The following DNAH11 variants were observed in gnomAD, a reference collection of about 807,000 sequenced individuals.
DNAH11 encodes the protein axonemal beta dynein heavy chain 11.
In DNAH11, 442 loss-of-function variants were observed where a neutral mutation model predicts 526.0. The observed-to-expected ratio is 0.84, with a 90% CI of 0.78 to 0.91. The LOEUF is 0.91. Among genes scored for constraint, DNAH11 ranks in the 40% least tolerant of loss-of-function variants. DNAH11 has a pLI of 0.00. For synonymous variants in DNAH11, 2,461 were observed against 1,935.9 expected (o/e 1.27, Z -7.12); for missense variants, 6,989 against 5,448.7 (o/e 1.28, Z -8.90).
At chr7:21,653,830 C>CA (rs1238681754) in intron 28 of DNAH11, among the ~76,000 whole-genome samples, 1 of 152,106 alleles carries the variant, frequency 6.6e-6, no homozygotes, top group Admixed American at 6.6e-5. Flanking sequence ...GCATGTACAG[C>CA]AAAAATGAAA....
intron 45 of DNAH11, among the ~76,000 whole-genome samples, chr7:21,728,284 G>T (rs1785223763): frequency 3.1e-5 from 3 of 96,102 alleles, no homozygotes; most frequent in African/African-American, 4.3e-5. Flanking sequence ...TTGAGACAGA[G>T]TCTTACTCTG....
chr7:21,600,170 C>G, intron 15 of DNAH11, 51 bp downstream of exon 15: 1 of 1,438,812 alleles, frequency 7.0e-7, no homozygotes, highest in Non-Finnish European at 9.3e-7. Context: ...GATTCAAAAA[C>G]AAATTGTGGC....
At chr7:21,759,759 T>C (rs1786813971) in intron 54 of DNAH11, among the ~76,000 whole-genome samples, 1 of 152,176 alleles carries the variant, frequency 6.6e-6, no homozygotes, top group South Asian at 2.1e-4. Context: ...CTGTTAGTAA[T>C]ATACAAATAA....
chr7:21,652,256 A>G (rs1454630459), intron 28 of DNAH11, among the ~76,000 whole-genome samples: 1 of 152,340 alleles, frequency 6.6e-6, no homozygotes, highest in East Asian at 1.9e-4. Context: ...TGATGCCAGG[A>G]AAAACAAACA....
At chr7:21,799,076 T>G (rs1788844981) in intron 61 of DNAH11, among the ~76,000 whole-genome samples, 1 of 152,170 alleles carries the variant, frequency 6.6e-6, no homozygotes, top group South Asian at 2.1e-4. Context: ...CTAGATATTA[T>G]TCTATAAATC....
At chr7:21,652,955 C>T (rs1469582895) in intron 28 of DNAH11, among the ~76,000 whole-genome samples, 2 of 152,122 alleles carry the variant, frequency 1.3e-5, no homozygotes, top group Admixed American at 1.3e-4. Flanking sequence ...CGGCTCACTG[C>T]AACCTCTGCC....
intron 65 of DNAH11, among the ~76,000 whole-genome samples, chr7:21,842,196 CAGTTTGCA>C (rs1782228192): frequency 6.6e-6 from 1 of 152,132 alleles, no homozygotes; most frequent in South Asian, 2.1e-4. Flanking sequence ...CTTAAAGTCA[CAGTTTGCA>C]AGTTTATCGA....
intron 14 of DNAH11, among the ~76,000 whole-genome samples, chr7:21,594,865 C>A (rs1296271996): frequency 6.6e-6 from 1 of 152,036 alleles, no homozygotes; most frequent in Non-Finnish European, 1.5e-5. Flanking sequence ...GGCTTTGGCT[C>A]ACTCTGAGGT....
At chr7:21,719,454 G>A (rs576288720) in intron 43 of DNAH11, among the ~76,000 whole-genome samples, 74 of 152,256 alleles carry the variant, frequency 4.9e-4, no homozygotes, top group African/African-American at 7.7e-4. Flanking sequence ...ACACATGGCC[G>A]TATTCGTGTG....
intron 77 of DNAH11, among the ~76,000 whole-genome samples, chr7:21,893,418 C>A (rs922086006): frequency 5.9e-5 from 9 of 152,224 alleles, no homozygotes; most frequent in African/African-American, 2.2e-4. Context: ...CATCTTTTCA[C>A]ATGCTTATGG....
chr7:21,600,235 G>A, intron 15 of DNAH11, 116 bp downstream of exon 15: 2 of 878,936 alleles, frequency 2.3e-6, no homozygotes, highest in Non-Finnish European at 1.6e-6. Flanking sequence ...TGAGGCAAGA[G>A]GATTGCTTGG....
intron 54 of DNAH11, among the ~76,000 whole-genome samples, chr7:21,758,275 A>G (rs1554277914): frequency 6.6e-6 from 1 of 152,372 alleles, no homozygotes. Context: ...CTTTAGAGAA[A>G]GACAAAAGGT....
chr7:21,684,033 C>T (rs764066235), intron 32 of DNAH11, 89 bp downstream of exon 32: 48 of 1,339,232 alleles, frequency 3.6e-5, no homozygotes, highest in African/African-American at 7.3e-5. Flanking sequence ...TGAGAGGAAA[C>T]GATGAACAAT....
intron 71 of DNAH11, 91 bp from the exon 72 acceptor site, chr7:21,867,768 C>T (rs988352466): frequency 2.3e-5 from 28 of 1,203,542 alleles, no homozygotes; most frequent in Admixed American, 1.9e-4. Flanking sequence ...TTACTTCTAT[C>T]GTGTGCCTGT....
At chr7:21,742,849 G>T (rs775721616) in intron 49 of DNAH11, among the ~76,000 whole-genome samples, 1 of 152,192 alleles carries the variant, frequency 6.6e-6, no homozygotes, top group East Asian at 1.9e-4. Flanking sequence ...CCGAGATTGG[G>T]TAATTCATAA....
rs911956193 is a variant in DNAH11, at chr7:21,873,091, C to CTTTT, written c.11968-173_11968-170dup. 3.4e-3 allele frequency among the ~76,000 whole-genome samples: 454 copies of CTTTT among 132,984 alleles called. 2 individuals are homozygous for CTTTT. Among genetic ancestry groups the CTTTT allele is most frequent in the African/African-American group, 0.011 (423 of 36,938 alleles). 87.2% of individuals were successfully genotyped at this position (132,984 alleles called of 152,430 possible). A position where few individuals can be genotyped will look rare whatever the true frequency, so the allele number is the denominator to read the frequency against. ...TGTTCAAGGTTCAATTCCCTTTTGG[C>CTTTT]TTTTTTTTTTTTTGATGTATTGATG... On this transcript the variant is annotated intron_variant, in intron 73 of 81. Transcript: ENST00000409508.
intron 76 of DNAH11, among the ~76,000 whole-genome samples, chr7:21,884,910 C>A (rs1354905096): frequency 6.6e-6 from 1 of 152,042 alleles, no homozygotes; most frequent in African/African-American, 2.4e-5. Flanking sequence ...GGACCAGTAT[C>A]AGTTACTCAA....
intron 9 of DNAH11, 125 bp from the exon 10 acceptor site, chr7:21,587,939 C>A: frequency 2.5e-6 from 2 of 811,774 alleles, no homozygotes; most frequent in South Asian, 3.2e-5. Flanking sequence ...CATTTTGAAG[C>A]ATCACAGGAT....
rs888549481 is a variant in DNAH11, at chr7:21,591,097, T to C, written c.2274+75T>C. 1.0e-5 allele frequency: 14 copies of C among 1,404,204 alleles called. No individual in the cohort carries two copies. In the African/African-American group the frequency reaches 1.5e-4, roughly 15 times the overall value. 87.0% of individuals were successfully genotyped at this position (1,404,204 alleles called of 1,614,324 possible). On this transcript the variant is annotated intron_variant, in intron 13 of 81. Transcript: ENST00000409508. ...AATATTTTGAATTTTAATTATTATA[T>C]AGATCTATATGATATTTTTACACCT...
Sources: allele counts gnomAD v4.1 joint callset (sites outside exome capture counted in the v4.1 genomes callset), GRCh38; gene constraint gnomAD v4.1.1; transcripts MANE v1.5; gene names NCBI Gene and HGNC (gene_info 2026-07-23, HGNC 2026-07-21).